RSPH9: variants seen among roughly 807,000 people sequenced by gnomAD.
The protein encoded by RSPH9 is radial spoke head component 9, also known as radial spoke head protein 9 homolog.
A neutral mutation model predicts 27.0 loss-of-function variants in RSPH9; 27 were observed. That is an observed-to-expected ratio of 1.00 (90% CI 0.74 to 1.38). The LOEUF (loss-of-function observed/expected upper bound fraction) is 1.38, where lower values mean the gene tolerates loss of function less well. Among genes scored for constraint, RSPH9 ranks in the 40% most tolerant of loss-of-function variants. The probability of loss-of-function intolerance (pLI) is 0.00; values close to 1 mark genes in which losing one functional copy is unlikely to be tolerated. For missense variants in RSPH9, 347 were observed against 357.4 expected, an observed-to-expected ratio of 0.97 and a Z score of 0.24; for synonymous variants, 145 against 147.7, an observed-to-expected ratio of 0.98 and a Z score of 0.13.
rs1157369555 is a variant in RSPH9 at position 43,672,105 on chromosome 6, C to T, written c.*1156C>T. On this transcript the variant is annotated 3_prime_UTR_variant, in exon 5 of 5. Coordinates refer to ENST00000372163, the MANE Select transcript of RSPH9 (RefSeq NM_152732.5). The stretch of plus-strand genomic sequence containing the variant: ...AAACAGATGGGCTGGGCTCTTGCTG[C>T]CGCAAGCCTGTGTGGCCAGGTTCAG... 3.0e-6 allele frequency: 2 copies of T among 659,908 alleles called. No individual in the cohort carries two copies. The highest frequency in any genetic ancestry group is 5.1e-6 in the Non-Finnish European group (2 of 391,912). 40.9% of individuals were successfully genotyped at this position (659,908 alleles called of 1,614,324 possible).
chr6:43,652,611 A>C (rs1182870174), intron 2 of RSPH9, among the ~76,000 whole-genome samples: 1 of 151,672 alleles, frequency 6.6e-6, no homozygotes, highest in Non-Finnish European at 1.5e-5. Flanking sequence ...TTTTTAGTAG[A>C]GACGGGGTTT....
At chr6:43,666,557 A>G in intron 4 of RSPH9, 2 of 1,343,516 alleles carry the variant, frequency 1.5e-6, no homozygotes, top group Non-Finnish European at 2.1e-6. Context: ...CCTTGGCCAA[A>G]GTGACAAGAG....
chr6:43,661,564 G>A lies in RSPH9; in HGVS notation c.670+4841G>A, dbSNP rs956921175. On this transcript the variant is annotated intron_variant, in intron 4 of 4. Coordinates refer to ENST00000372163, the MANE Select transcript of RSPH9 (RefSeq NM_152732.5). ...TAATCCCAGCTATTCGGGAGGCTGA[G>A]GCAGGAGAATTGCTTGAACCCGGGA... Among the ~76,000 whole-genome samples the A allele has an allele frequency of 4.0e-5, 6 of 151,372 alleles. No individual in the cohort carries two copies. In the Admixed American group the frequency reaches 4.0e-4, roughly 10 times the overall value.
In RSPH9 at chr6:43,671,839, C is replaced by T; in HGVS notation, c.*890C>T. On this transcript the variant is annotated 3_prime_UTR_variant, in exon 5 of 5. Transcript: ENST00000372163. ...AGGGGTGACCCCACGGGCATGCGCA[C>T]CCTGTTCCAGCGGGGGCCTTTTTTG... The T allele has an allele frequency of 6.2e-7, 1 of 1,614,188 alleles. No homozygotes were observed. The highest frequency in any genetic ancestry group is 8.5e-7 in the Non-Finnish European group (1 of 1,180,020).
At chr6:43,652,281 G>A (rs564348440) in intron 2 of RSPH9, among the ~76,000 whole-genome samples, 116 of 150,672 alleles carry the variant, frequency 7.7e-4, no homozygotes, top group Admixed American at 1.8e-3. Context: ...ACTCCAGCCT[G>A]GGCGACAGAG....
chr6:43,658,787 G>A (rs1377398519), intron 4 of RSPH9, among the ~76,000 whole-genome samples: 6 of 152,044 alleles, frequency 3.9e-5, no homozygotes, highest in Non-Finnish European at 2.9e-5. Flanking sequence ...CTTATGATCC[G>A]CCTACCTCGA....
At position 43,649,635 on chromosome 6, in the gene RSPH9, G is replaced by A. The variant is rs934685616; in HGVS notation, c.228-740G>A. Among the ~76,000 whole-genome samples, 10 of 152,130 alleles carry A rather than the reference G, an allele frequency of 6.6e-5. 1 individual carries two copies. In the South Asian group the frequency reaches 1.7e-3, roughly 25 times the overall value. ...GAAGTGAGAAAGAAGGAACCAGGTG[G>A]GCCTGGTGAGTGCTCCCGAAGGCCT... On this transcript the variant is annotated intron_variant, in intron 1 of 4. Transcript: ENST00000372163.
intron 2 of RSPH9, among the ~76,000 whole-genome samples, chr6:43,652,779 A>G (rs1771621564): frequency 7.3e-6 from 1 of 136,596 alleles, no homozygotes; most frequent in African/African-American, 2.7e-5. Context: ...TAATTTTCCC[A>G]GTGTCTTATT....
chr6:43,649,759 G>A (rs750135358), intron 1 of RSPH9, among the ~76,000 whole-genome samples: 1 of 151,868 alleles, frequency 6.6e-6, no homozygotes, highest in Non-Finnish European at 1.5e-5. Context: ...TGAATTTAGG[G>A]CCCACCAAAA....
In RSPH9 at chr6:43,656,314, G is replaced by A. The variant is rs55863814; in HGVS notation, c.524-263G>A. ...TTGGCCAGGCTTGTCTCAAACTCCC[G>A]ACCTCAGGTGATCTGCCTGCCTCGG... On this transcript the variant is annotated intron_variant, in intron 3 of 4. Transcript: ENST00000372163. Among the ~76,000 whole-genome samples, 6,933 of 152,182 alleles carry A rather than the reference G, an allele frequency of 0.046. 227 individuals are homozygous for A. Among genetic ancestry groups the A allele is most frequent in the South Asian group, 0.069 (331 of 4,812 alleles).
In RSPH9 at chr6:43,671,482, G is replaced by A; in HGVS notation, c.*533G>A. On this transcript the variant is annotated 3_prime_UTR_variant, in exon 5 of 5. Coordinates refer to ENST00000372163, the MANE Select transcript of RSPH9 (RefSeq NM_152732.5). Reference sequence around the variant, plus strand: ...GCCCATGAACCCAGTTTATGACACTGCGTTGGGCAAAACTCCTGTCCCCAG... The same window carrying A: ...GCCCATGAACCCAGTTTATGACACTACGTTGGGCAAAACTCCTGTCCCCAG... The A allele has an allele frequency of 2.0e-6, 1 of 511,702 alleles. No individual in the cohort carries two copies. The highest frequency in any genetic ancestry group is 2.2e-5 in the South Asian group (1 of 45,800). The allele number at this position is 511,702 out of a possible 1,614,324, so 31.7% of individuals were successfully genotyped here.
chr6:43,663,858 C>A (rs7757101), intron 4 of RSPH9, among the ~76,000 whole-genome samples: 37,780 of 151,438 alleles, frequency 0.25, 8,336 homozygotes, highest in African/African-American at 0.59. Context: ...AGTGAAACCC[C>A]ATCTATACTA....
intron 4 of RSPH9, among the ~76,000 whole-genome samples, chr6:43,660,889 TA>T (rs34042519): frequency 0.25 from 37,951 of 152,146 alleles, 8,392 homozygotes; most frequent in African/African-American, 0.59. Flanking sequence ...AAATGTCTTT[TA>T]AAAATAAGAC....
chr6:43,654,425 C>G (rs931809192), intron 2 of RSPH9, among the ~76,000 whole-genome samples: 13 of 152,194 alleles, frequency 8.5e-5, no homozygotes, highest in African/African-American at 3.1e-4. Context: ...TGCTGTGGCT[C>G]ACCCTGTAAT....
rs1180951392 is a variant in RSPH9 at position 43,671,998 on chromosome 6, G to A, written c.*1049G>A. The stretch of plus-strand genomic sequence containing the variant: ...GCACTACCTCCTCAGGCCAGGCCAC[G>A]GTTGGGCAAGCAAATCCTTTCACCA... On this transcript the variant is annotated 3_prime_UTR_variant, in exon 5 of 5. Coordinates refer to ENST00000372163, the MANE Select transcript of RSPH9 (RefSeq NM_152732.5). 11 of 1,383,558 alleles carry A rather than the reference G, an allele frequency of 8.0e-6. No homozygotes were observed. The highest frequency in any genetic ancestry group is 5.0e-5 in the East Asian group (2 of 39,822). 85.7% of individuals were successfully genotyped at this position (1,383,558 alleles called of 1,614,324 possible).
In RSPH9 at chr6:43,651,902, T is replaced by C. The variant is rs192165278; in HGVS notation, c.393+1362T>C. Among the ~76,000 whole-genome samples, 305 of 152,258 alleles carry C rather than the reference T, an allele frequency of 2.0e-3. 1 individual carries two copies. Among genetic ancestry groups the C allele is most frequent in the Middle Eastern group, 3.4e-3 (1 of 294 alleles). The stretch of plus-strand genomic sequence containing the variant: ...GTGTGTACATATGTGTACTTGTGTG[T>C]CTAAATTTTTCTGCTCCAAGTAGAG... On this transcript the variant is annotated intron_variant, in intron 2 of 4. Transcript: ENST00000372163.
intron 2 of RSPH9, among the ~76,000 whole-genome samples, chr6:43,655,328 C>T (rs1237452244): frequency 6.7e-6 from 1 of 148,542 alleles, no homozygotes; most frequent in East Asian, 1.9e-4. Context: ...CTGATTTTTT[C>T]CTGTAGTTTT....
At position 43,671,626 on chromosome 6, in the gene RSPH9, CCT is replaced by C. The variant is rs1238262293; in HGVS notation, c.*678_*679del. The C allele has an allele frequency of 7.9e-6, 8 of 1,015,808 alleles. No homozygotes were observed. Among genetic ancestry groups the C allele is most frequent in the African/African-American group, 3.2e-5 (2 of 63,090 alleles). The allele number at this position is 1,015,808 out of a possible 1,614,324, so 62.9% of individuals were successfully genotyped here. A position where few individuals can be genotyped will look rare whatever the true frequency, so the allele number is the denominator to read the frequency against. ...GGTACTGAAGTTAGTCCCACTGTCCCCTGTCCATGCATGTTGGAGGGACCAGG... is the reference window on the plus strand; with the variant it reads ...GGTACTGAAGTTAGTCCCACTGTCCCGTCCATGCATGTTGGAGGGACCAGG... On this transcript the variant is annotated 3_prime_UTR_variant, in exon 5 of 5. Transcript: ENST00000372163.
chr6:43,664,038 A>G (rs1218812276), intron 4 of RSPH9, among the ~76,000 whole-genome samples: 4 of 151,986 alleles, frequency 2.6e-5, no homozygotes. Context: ...AAAAAAAAAA[A>G]AAAAGAGTTT....
Sources: allele counts gnomAD v4.1 joint callset (sites outside exome capture counted in the v4.1 genomes callset), GRCh38; gene constraint gnomAD v4.1.1; transcripts MANE v1.5; gene names NCBI Gene and HGNC (gene_info 2026-07-23, HGNC 2026-07-21).